CELF3: variants seen among roughly 807,000 people sequenced by gnomAD.
CELF3 encodes the protein CUGBP Elav-like family member 3.
A neutral mutation model predicts 59.6 loss-of-function variants in CELF3; 26 were observed. The ratio of observed to expected loss-of-function variants is 0.44; its 90% CI spans 0.32 to 0.61. The LOEUF (loss-of-function observed/expected upper bound fraction) is 0.61, where lower values mean the gene tolerates loss of function less well. Among genes scored for constraint, CELF3 ranks in the 20% least tolerant of loss-of-function variants. The pLI is 0.06. For synonymous variants in CELF3, 245 were observed against 250.7 expected (o/e 0.98, Z 0.22); for missense variants, 387 against 627.2 (o/e 0.62, Z 4.09).
rs760760607 is a variant in CELF3 at position 151,706,300 on chromosome 1, G to A, written c.1050C>T (p.Val350=). The change falls in exon 10 of 13, where the codon GTC becomes GTT. Residue 350 remains valine, a synonymous_variant. Coordinates refer to ENST00000290583, the MANE Select transcript of CELF3 (RefSeq NM_007185.7). ...GAGGTGGTGGTGGGGGCTGCTGGGC[G>A]ACCAGGGCTGGAGGCTGCGGGAACG... ...APAFPQPPAL[V]AQQPPPPPQQ... The A allele has an allele frequency of 1.2e-5, 18 of 1,562,452 alleles. No individual in the cohort carries two copies. The highest frequency in any genetic ancestry group is 1.8e-4 in the Middle Eastern group (1 of 5,486).
In CELF3 at chr1:151,705,295, G is replaced by T; in HGVS notation, c.1271-127C>A. 1 of 1,031,862 alleles carries T rather than the reference G, an allele frequency of 9.7e-7. No individual in the cohort carries two copies. The highest frequency in any genetic ancestry group is 1.4e-6 in the Non-Finnish European group (1 of 718,252). 63.9% of individuals were successfully genotyped at this position (1,031,862 alleles called of 1,614,324 possible). On this transcript the variant is annotated intron_variant, in intron 11 of 12. Coordinates refer to ENST00000290583, the MANE Select transcript of CELF3 (RefSeq NM_007185.7). This position sits in a 1 kb window ranked among gnomAD's most constrained non-coding sequence, Gnocchi z 5.1. ...CTAGAAAGCTGCCTGCCACATAGCA[G>T]CATTCCTTAGGAATTTGTTGATTGA...
At chr1:151,706,535 C>T (rs1672558035) in intron 9 of CELF3, 134 bp downstream of exon 9, 1 of 1,212,874 alleles carries the variant, frequency 8.2e-7, no homozygotes, top group African/African-American at 1.5e-5. Flanking sequence ...GACCCCTCCC[C>T]ACAGTTGGGC....
chr1:151,709,278 C>G lies in CELF3; in HGVS notation c.348G>C (p.Glu116Asp). The G allele has an allele frequency of 6.2e-7, 1 of 1,614,060 alleles. No individual in the cohort carries two copies. The highest frequency in any genetic ancestry group is 8.5e-7 in the Non-Finnish European group (1 of 1,179,962). ...QTDEDVRKMF[E>D]PFGTIDECTV... Reference sequence around the variant, plus strand: ...TGCACTCGTCGATGGTCCCGAAGGGCTCAAACATCTTCCGGACGTCCTCAT... The same window carrying G: ...TGCACTCGTCGATGGTCCCGAAGGGGTCAAACATCTTCCGGACGTCCTCAT... The change falls in exon 4 of 13, where the codon GAG becomes GAC. Residue 116 changes from glutamate (E) to aspartate (D), a missense_variant. Physicochemically the swap from Glu to Asp is conservative, Grantham distance 45 (BLOSUM62 2). Around this residue, in one of 3 missense-constraint regions of CELF3, gnomAD observed 208 missense variants for 354.8 expected, o/e 0.59. Coordinates refer to ENST00000290583, the MANE Select transcript of CELF3 (RefSeq NM_007185.7). The surrounding 1 kb of genome is among the most constrained non-coding windows in gnomAD (Gnocchi z 4.9).
At position 151,707,445 on chromosome 1, in the gene CELF3, C is replaced by T. The variant is rs1672658775; in HGVS notation, c.772+62G>A. 1.1e-5 allele frequency: 18 copies of T among 1,593,464 alleles called. No homozygotes were observed. In the East Asian group the frequency reaches 4.0e-4, roughly 36 times the overall value. On this transcript the variant is annotated intron_variant, in intron 7 of 12. Transcript: ENST00000290583. ...ACCCCGAGGCTTCCCTGAGCAATGC[C>T]CTGTGCCCCTCCCTACCCCTACCAT... is the stretch of plus-strand genomic sequence containing the variant.
At chr1:151,704,570 T>C (rs956383403) in intron 12 of CELF3, among the ~76,000 whole-genome samples, 15 of 152,124 alleles carry the variant, frequency 9.9e-5, no homozygotes, top group African/African-American at 3.6e-4. Context: ...GCTGATGTCC[T>C]CACTTCTCAG....
In CELF3 at chr1:151,707,227, G is replaced by A. The variant is rs371805269; in HGVS notation, c.840C>T (p.Asn280=). The A allele has an allele frequency of 5.2e-6, 8 of 1,551,968 alleles. No individual in the cohort carries two copies. The highest frequency in any genetic ancestry group is 2.4e-5 in the East Asian group (1 of 42,240). ...GCTGGGTGGGCACCGGGCTGTAGCC[G>A]TTGACGCCCAGGGCAGCCGGAATGG... ...VSAIPAALGV[N]GYSPVPTQPT... The change falls in exon 8 of 13, where the codon AAC becomes AAT. Residue 280 remains asparagine (N), a synonymous_variant. Transcript: ENST00000290583.
At chr1:151,708,216 G>A (rs1672735078) in intron 5 of CELF3, 1 of 387,692 alleles carries the variant, frequency 2.6e-6, no homozygotes, top group African/African-American at 2.0e-5. Flanking sequence ...TACTCTGTGA[G>A]GACTCTGAAC....
rs571544110 is a variant in CELF3, at chr1:151,707,004, G to T, written c.922+141C>A. The T allele has an allele frequency of 5.8e-4, 626 of 1,075,980 alleles. 2 individuals carry two copies. Among genetic ancestry groups the T allele is most frequent in the Non-Finnish European group, 7.7e-4 (599 of 776,458 alleles). 66.7% of individuals were successfully genotyped at this position (1,075,980 alleles called of 1,614,324 possible). On this transcript the variant is annotated intron_variant, in intron 8 of 12. Transcript: ENST00000290583. ...GCTTCCTGGCCGAGCCCAACAGGAA[G>T]GATCATCCCCGCCCAGGATGGCAGG...
At position 151,705,411 on chromosome 1, in the gene CELF3, G is replaced by A. The variant is rs550804987; in HGVS notation, c.1271-243C>T. On this transcript the variant is annotated intron_variant, in intron 11 of 12. Transcript: ENST00000290583. The surrounding 1 kb of genome is among the most constrained non-coding windows in gnomAD (Gnocchi z 5.1). Reference sequence around the variant, plus strand: ...AGTGACCCCTTCCTCTGCCTGGATAGCTCTGAGCCTGCCCTTTGAAAACGG... The same window carrying A: ...AGTGACCCCTTCCTCTGCCTGGATAACTCTGAGCCTGCCCTTTGAAAACGG... 1.3e-5 allele frequency among the ~76,000 whole-genome samples: 2 copies of A among 152,210 alleles called. No homozygotes were observed. Among genetic ancestry groups the A allele is most frequent in the African/African-American group, 4.8e-5 (2 of 41,448 alleles).
At chr1:151,714,872 A>G (rs1673341693) in intron 1 of CELF3, among the ~76,000 whole-genome samples, 196 bp from the exon 2 acceptor site, 1 of 151,838 alleles carries the variant, frequency 6.6e-6, no homozygotes, top group South Asian at 2.1e-4. Context: ...AGGCCTAAAT[A>G]CTGGTGGTGA....
At chr1:151,710,341 G>C (rs948390622) in intron 2 of CELF3, 2 of 283,546 alleles carry the variant, frequency 7.1e-6, no homozygotes, top group African/African-American at 4.4e-5. Context: ...CAGATGCCCA[G>C]TCTCCGTGGC....
In CELF3 at chr1:151,709,567, C is replaced by A; in HGVS notation, c.277+176G>T. On this transcript the variant is annotated intron_variant, in intron 3 of 12. Coordinates refer to ENST00000290583, the MANE Select transcript of CELF3 (RefSeq NM_007185.7). This position sits in a 1 kb window ranked among gnomAD's most constrained non-coding sequence, Gnocchi z 4.9. ...CCACCCTGGGCCTCAGTTTTGCCAT[C>A]TGTACCCGCCCCAGATCTCACCCGC... is the stretch of plus-strand genomic sequence containing the variant. The A allele has an allele frequency of 1.1e-6, 1 of 909,768 alleles. No individual in the cohort carries two copies. The highest frequency in any genetic ancestry group is 1.5e-5 in the South Asian group (1 of 65,536). 56.4% of individuals were successfully genotyped at this position (909,768 alleles called of 1,614,324 possible). A position where few individuals can be genotyped will look rare whatever the true frequency, so the allele number is the denominator to read the frequency against.
At position 151,707,634 on chromosome 1, in the gene CELF3, C is replaced by A. The variant is rs1313891909; in HGVS notation, c.645G>T (p.Gln215His). The stretch of plus-strand genomic sequence containing the variant: ...CACTGTGAGCCGCTACCAGGGCCGC[C>A]TGCTGCTGCATCAGCTGGGGGGAGG... ...SAYTQALMQQ[Q>H]AALVAAHSAY... The change falls in exon 7 of 13, where the codon CAG becomes CAT. Residue 215 changes from glutamine to histidine, a missense_variant. This residue lies in a region of CELF3 where 208 missense variants were observed against 354.8 expected (regional missense o/e 0.59). Transcript: ENST00000290583. The A allele has an allele frequency of 6.8e-6, 11 of 1,607,014 alleles. No individual in the cohort carries two copies. The highest frequency in any genetic ancestry group is 9.3e-6 in the Non-Finnish European group (11 of 1,177,858).
intron 12 of CELF3, among the ~76,000 whole-genome samples, chr1:151,704,006 C>T (rs965416272): frequency 6.6e-6 from 1 of 152,166 alleles, no homozygotes; most frequent in African/African-American, 2.4e-5. Flanking sequence ...CACTGTAGAC[C>T]AAGCACGTCC....
rs74956536 is a variant in CELF3 at position 151,707,481 on chromosome 1, C to A, written c.772+26G>T. On this transcript the variant is annotated intron_variant, in intron 7 of 12. Coordinates refer to ENST00000290583, the MANE Select transcript of CELF3 (RefSeq NM_007185.7). ...CCCTACCCCTACCATGCTTAGCTCCCTTGCCCGGCCTTGCCCAGGCCATAC... is the reference window on the plus strand; with the variant it reads ...CCCTACCCCTACCATGCTTAGCTCCATTGCCCGGCCTTGCCCAGGCCATAC... 5,587 of 1,609,144 alleles carry A rather than the reference C, an allele frequency of 3.5e-3. 186 individuals are homozygous for A. The African/African-American group carries it at 0.068, about 20-fold the overall frequency.
Position 151,705,202 on chromosome 1 carries a change from C to A in CELF3, c.1271-34G>T. On this transcript the variant is annotated intron_variant, in intron 11 of 12. Transcript: ENST00000290583. The surrounding 1 kb of genome is among the most constrained non-coding windows in gnomAD (Gnocchi z 5.1). ...AGAGGGGCATAAGGCCCGGCCCAGC[C>A]CCACCTCGCTCTTCCGTGCTTAGGA... 6.3e-7 allele frequency: 1 copy of A among 1,593,728 alleles called. No homozygotes were observed. Among genetic ancestry groups the A allele is most frequent in the Non-Finnish European group, 8.6e-7 (1 of 1,166,856 alleles).
intron 12 of CELF3, among the ~76,000 whole-genome samples, chr1:151,704,611 T>C (rs1347071429): frequency 6.6e-6 from 1 of 152,128 alleles, no homozygotes; most frequent in African/African-American, 2.4e-5. Context: ...CCAAGGATTC[T>C]AGGGCCCTCT....
chr1:151,704,436 A>T (rs1011324693), intron 12 of CELF3, among the ~76,000 whole-genome samples: 1 of 151,984 alleles, frequency 6.6e-6, no homozygotes, highest in Non-Finnish European at 1.5e-5. Context: ...AACCTCTTCC[A>T]CCTAAACCAG....
rs1319424115 is a variant in CELF3, at chr1:151,712,564, A to AC, written c.228+2029dup. Among the ~76,000 whole-genome samples, 11 of 151,696 alleles carry AC rather than the reference A, an allele frequency of 7.3e-5. No individual in the cohort carries two copies. The East Asian group carries it at 2.1e-3, about 30-fold the overall frequency. ...AGGGGGAAGAGCTGGACAGAGGGCA[A>AC]CCCCCACTCCACCACCTCCATGATG... On this transcript the variant is annotated intron_variant, in intron 2 of 12. Transcript: ENST00000290583.
Sources: allele counts gnomAD v4.1 joint callset (sites outside exome capture counted in the v4.1 genomes callset), GRCh38; gene constraint gnomAD v4.1.1; regional missense constraint gnomAD v4.1.1; non-coding constraint Gnocchi (gnomAD v3.1); transcripts MANE v1.5; gene names NCBI Gene and HGNC (gene_info 2026-07-23, HGNC 2026-07-21).